The following PARVA variants were observed in gnomAD, a reference collection of about 807,000 sequenced individuals.
PARVA encodes parvin alpha, also known as alpha-parvin.
In PARVA, 25 loss-of-function variants were observed where a neutral mutation model predicts 52.6. The observed-to-expected ratio is 0.48, with a 90% CI of 0.35 to 0.66. PARVA has a LOEUF of 0.66. Among genes scored for constraint, PARVA ranks in the 30% least tolerant of loss-of-function variants. The pLI, the probability that PARVA is intolerant of heterozygous loss-of-function variation, is 0.01. For synonymous variants in PARVA, 185 were observed against 179.1 expected, an observed-to-expected ratio of 1.03 and a Z score of -0.26; for missense variants, 373 against 450.9, an observed-to-expected ratio of 0.83 and a Z score of 1.56.
At chr11:12,485,493 C>T (rs775179556) in intron 4 of PARVA, among the ~76,000 whole-genome samples, 11 of 152,100 alleles carry the variant, frequency 7.2e-5, no homozygotes, top group Non-Finnish European at 1.3e-4. Context: ...TACAGGGCCA[C>T]ACATTGAAAA....
intron 9 of PARVA, chr11:12,513,611 C>G (rs543159815): frequency 3.1e-6 from 2 of 648,544 alleles, no homozygotes; most frequent in Non-Finnish European, 5.7e-6. Context: ...CAATCTCAGC[C>G]TTCCCCACTC....
At chr11:12,421,020 T>C (rs1940141324) in intron 1 of PARVA, among the ~76,000 whole-genome samples, 1 of 151,746 alleles carries the variant, frequency 6.6e-6, no homozygotes, top group East Asian at 1.9e-4. Flanking sequence ...TTAGGACTTT[T>C]TTTTTTTTTG....
chr11:12,414,726 G>A (rs1940040496), intron 1 of PARVA, among the ~76,000 whole-genome samples: 1 of 151,596 alleles, frequency 6.6e-6, no homozygotes, highest in Non-Finnish European at 1.5e-5. Flanking sequence ...GTTTTCATAT[G>A]AAGTGAAAAG....
intron 12 of PARVA, among the ~76,000 whole-genome samples, chr11:12,522,011 A>ATAATACATTTATGTTGTT (rs1339648992): frequency 1.3e-5 from 2 of 152,216 alleles, no homozygotes; most frequent in Non-Finnish European, 2.9e-5. Flanking sequence ...GAATTCAGAG[A>ATAATACATTTATGTTGTT]TAATACATTT....
rs1351045613 is a variant in PARVA at position 12,532,990 on chromosome 11, A to T, written c.*5065A>T. ...TATGGAGTCTGGGGTTGCCTTTCTC[A>T]TGTCATACCATGGTCCTGGCTGGGG... On this transcript the variant is annotated 3_prime_UTR_variant, in exon 13 of 13. Coordinates refer to ENST00000334956, the MANE Select transcript of PARVA (RefSeq NM_018222.5). Among the ~76,000 whole-genome samples, 1 of 152,198 alleles carries T rather than the reference A, an allele frequency of 6.6e-6. No individual in the cohort carries two copies. The highest frequency in any genetic ancestry group is 1.5e-5 in the Non-Finnish European group (1 of 68,024).
chr11:12,391,446 T>A (rs922737183), intron 1 of PARVA, among the ~76,000 whole-genome samples: 1 of 152,226 alleles, frequency 6.6e-6, no homozygotes, highest in African/African-American at 2.4e-5. Context: ...CCTTTCAGTA[T>A]TACTGGTTCT....
chr11:12,421,098 G>GAC (rs10622435), intron 1 of PARVA, among the ~76,000 whole-genome samples: 145,836 of 150,526 alleles, frequency 0.97, 70,818 homozygotes, highest in East Asian at 1. Flanking sequence ...TGTCTTGGTG[G>GAC]TCGGAGCTTG....
At position 12,466,621 on chromosome 11, in the gene PARVA, A is replaced by C. The variant is rs112021706; in HGVS notation, c.137-7124A>C. Reference sequence around the variant, plus strand: ...GCCCGGCCTGTAGAGTAGAAGTATTAATAAAGCCCAACTCACCAAGTTTTC... The same window carrying C: ...GCCCGGCCTGTAGAGTAGAAGTATTCATAAAGCCCAACTCACCAAGTTTTC... On this transcript the variant is annotated intron_variant, in intron 1 of 12. Coordinates refer to ENST00000334956, the MANE Select transcript of PARVA (RefSeq NM_018222.5). 2.3e-3 allele frequency among the ~76,000 whole-genome samples: 357 copies of C among 152,232 alleles called. 1 individual carries two copies. The highest frequency in any genetic ancestry group is 8.1e-3 in the African/African-American group (338 of 41,540).
intron 1 of PARVA, among the ~76,000 whole-genome samples, chr11:12,460,387 C>T (rs939267513): frequency 5.3e-5 from 8 of 152,044 alleles, no homozygotes; most frequent in African/African-American, 1.7e-4. Flanking sequence ...ATAATAGTAC[C>T]TACTCATTGG....
chr11:12,470,365 G>A (rs1455367271), intron 1 of PARVA, among the ~76,000 whole-genome samples: 1 of 152,204 alleles, frequency 6.6e-6, no homozygotes, highest in East Asian at 1.9e-4. Flanking sequence ...TGGGTACTTT[G>A]CATATATTAA....
At chr11:12,512,384 C>T (rs1398679703) in intron 8 of PARVA, among the ~76,000 whole-genome samples, 2 of 152,174 alleles carry the variant, frequency 1.3e-5, no homozygotes, top group African/African-American at 4.8e-5. Context: ...ATCACCATCC[C>T]CTTCCTGGTA....
chr11:12,477,791 A>C lies in PARVA; in HGVS notation c.298-56A>C, dbSNP rs960668675. 18 of 913,572 alleles carry C rather than the reference A, an allele frequency of 2.0e-5. No individual in the cohort carries two copies. In the African/African-American group the frequency reaches 2.8e-4, roughly 14 times the overall value. 56.6% of individuals were successfully genotyped at this position (913,572 alleles called of 1,614,324 possible). The stretch of plus-strand genomic sequence containing the variant: ...AGGATAAGAAAGCTGGTCTGTAAGA[A>C]AATACCCCATAACTCTTTTCTTACT... On this transcript the variant is annotated intron_variant, in intron 3 of 12. Transcript: ENST00000334956.
chr11:12,397,256 T>A (rs1432395149), intron 1 of PARVA, among the ~76,000 whole-genome samples: 3 of 152,192 alleles, frequency 2.0e-5, no homozygotes, highest in African/African-American at 7.2e-5. Flanking sequence ...AGAGATGGCG[T>A]CTTGCTATAT....
At position 12,522,124 on chromosome 11, in the gene PARVA, C is replaced by T. The variant is rs79405219; in HGVS notation, c.1042+3607C>T. Among the ~76,000 whole-genome samples the T allele has an allele frequency of 8.3e-3, 1,266 of 152,256 alleles. 17 individuals carry two copies. Among genetic ancestry groups the T allele is most frequent in the African/African-American group, 0.029 (1,187 of 41,550 alleles). On this transcript the variant is annotated intron_variant, in intron 12 of 12. Coordinates refer to ENST00000334956, the MANE Select transcript of PARVA (RefSeq NM_018222.5). ...AATTCCATTCATAGGTACGTATGTCCATACACCAGGAGACAAGCCCAAGAA... is the reference window on the plus strand; with the variant it reads ...AATTCCATTCATAGGTACGTATGTCTATACACCAGGAGACAAGCCCAAGAA...
At chr11:12,496,101 T>C (rs1277433167) in intron 4 of PARVA, among the ~76,000 whole-genome samples, 2 of 152,208 alleles carry the variant, frequency 1.3e-5, no homozygotes, top group African/African-American at 4.8e-5. Flanking sequence ...TGACTAACTC[T>C]ACAGAGAAGG....
intron 12 of PARVA, among the ~76,000 whole-genome samples, chr11:12,525,177 C>A (rs368940307): frequency 6.6e-6 from 1 of 152,168 alleles, no homozygotes; most frequent in East Asian, 1.9e-4. Flanking sequence ...GGTCAGGTTA[C>A]GCCTTACAAA....
intron 4 of PARVA, among the ~76,000 whole-genome samples, chr11:12,488,570 C>T (rs1049217809): frequency 6.6e-6 from 1 of 152,026 alleles, no homozygotes; most frequent in Non-Finnish European, 1.5e-5. Context: ...ATTCGAGCCC[C>T]CTGAATAGAG....
intron 12 of PARVA, among the ~76,000 whole-genome samples, chr11:12,518,724 A>G (rs1448832096): frequency 2.0e-5 from 3 of 152,164 alleles, no homozygotes; most frequent in Non-Finnish European, 4.4e-5. Context: ...AATCCCACAC[A>G]TGCCATGCGT....
chr11:12,465,368 A>G (rs569330690), intron 1 of PARVA, among the ~76,000 whole-genome samples: 1 of 152,194 alleles, frequency 6.6e-6, no homozygotes, highest in Non-Finnish European at 1.5e-5. Flanking sequence ...CTTAGCCTCC[A>G]TAACTGTAAG....
Sources: allele counts gnomAD v4.1 joint callset (sites outside exome capture counted in the v4.1 genomes callset), GRCh38; gene constraint gnomAD v4.1.1; transcripts MANE v1.5; gene names NCBI Gene and HGNC (gene_info 2026-07-23, HGNC 2026-07-21).